Variants in TF observed in about 807,000 individuals in gnomAD.
TF encodes serotransferrin.
Under a neutral mutation model 82.4 loss-of-function variants are expected in TF, and 55 were observed. The ratio of observed to expected loss-of-function variants is 0.67; its 90% CI spans 0.54 to 0.84. The LOEUF is 0.84. Ranked by LOEUF, TF falls within the 40% of genes least tolerant of loss-of-function variation. The pLI, the probability that TF is intolerant of heterozygous loss-of-function variation, is 0.00. For missense variants in TF, 737 were observed against 868.4 expected, an observed-to-expected ratio of 0.85 and a Z score of 1.90; for synonymous variants, 332 against 332.6, an observed-to-expected ratio of 1.00 and a Z score of 0.02.
chr3:133,737,181 A>T, the TF span, among the ~76,000 whole-genome samples: 55,399 of 152,098 alleles, frequency 0.36, 10,428 homozygotes, highest in South Asian at 0.5. Flanking sequence ...CTGCACAACT[A>T]CATGGAAACT....
Position 133,783,079 on chromosome 3 carries a change from A to G in TF, c.*4459A>G, listed in dbSNP as rs1314959459. ...AACAAGCCTAGAGATCTAATGTACA[A>G]CATAAGGACCACAGTATAGGTAATA... On this transcript the variant is annotated 3_prime_UTR_variant, in exon 17 of 17. Transcript: ENST00000402696. 1 of 152,222 alleles carries G rather than the reference A, an allele frequency of 6.6e-6. No homozygotes were observed. Among genetic ancestry groups the G allele is most frequent in the African/African-American group, 2.4e-5 (1 of 41,456 alleles). The allele number at this position is 152,222 out of a possible 1,614,324, so 9.4% of individuals were successfully genotyped here. A position where few individuals can be genotyped will look rare whatever the true frequency, so the allele number is the denominator to read the frequency against.
In TF at chr3:133,795,978, C is replaced by T. The variant is rs9813689; in HGVS notation, c.*17358C>T. 0.26 allele frequency: 40,150 copies of T among 151,974 alleles called. 6,360 individuals are homozygous for T. The highest frequency in any genetic ancestry group is 0.46 in the East Asian group (2,376 of 5,152). 9.4% of individuals were successfully genotyped at this position (151,974 alleles called of 1,614,324 possible). A position where few individuals can be genotyped will look rare whatever the true frequency, so the allele number is the denominator to read the frequency against. On this transcript the variant is annotated 3_prime_UTR_variant, in exon 17 of 17. Coordinates refer to ENST00000402696, the MANE Select transcript of TF (RefSeq NM_001063.4). ...ACCAAACTAAACCAAAACGGAGTCA[C>T]GTATGCCAAGACCTTAAGGAAACAC...
chr3:133,680,212 T>G, the TF span, among the ~76,000 whole-genome samples: 1 of 152,158 alleles, frequency 6.6e-6, no homozygotes, highest in Non-Finnish European at 1.5e-5. Context: ...TTTTTTTTCT[T>G]TCTTTTTTGG....
chr3:133,733,659 G>C, the TF span, among the ~76,000 whole-genome samples: 2 of 152,220 alleles, frequency 1.3e-5, no homozygotes, highest in African/African-American at 4.8e-5. Context: ...AGTTGTAGAA[G>C]AAGGACTGAG....
chr3:133,718,724 G>A, the TF span, among the ~76,000 whole-genome samples: 2 of 152,132 alleles, frequency 1.3e-5, no homozygotes, highest in African/African-American at 4.8e-5. Flanking sequence ...TGATGTTGGA[G>A]GTTCCTCACC....
the TF span, among the ~76,000 whole-genome samples, chr3:133,672,315 G>T: frequency 6.6e-6 from 1 of 152,090 alleles, no homozygotes; most frequent in Non-Finnish European, 1.5e-5. Flanking sequence ...TTCTTACACA[G>T]TATCTTCCAG....
chr3:133,756,381 G>C, intron 6 of TF, 44 bp downstream of exon 6: 1 of 1,594,318 alleles, frequency 6.3e-7, no homozygotes, highest in South Asian at 1.1e-5. Context: ...CCAAGTAGTG[G>C]GTGTTCTTTT....
chr3:133,752,564 A>G (rs1422231180), intron 2 of TF, among the ~76,000 whole-genome samples: 1 of 152,164 alleles, frequency 6.6e-6, no homozygotes, highest in Non-Finnish European at 1.5e-5. Context: ...CATAAAAAGA[A>G]AATAAATTAT....
the TF span, among the ~76,000 whole-genome samples, chr3:133,724,245 T>C: frequency 5.9e-5 from 9 of 152,258 alleles, no homozygotes; most frequent in Non-Finnish European, 7.3e-5. Flanking sequence ...ACTTCCACAA[T>C]GGTTGAACTA....
At chr3:133,753,397 G>A (rs1933730290) in intron 2 of TF, among the ~76,000 whole-genome samples, 198 bp from the exon 3 acceptor site, 1 of 152,222 alleles carries the variant, frequency 6.6e-6, no homozygotes, top group South Asian at 2.1e-4. Context: ...CCTCTATGCA[G>A]AAGGAATAGG....
At chr3:133,713,458 A>G in the TF span, among the ~76,000 whole-genome samples, 2 of 152,308 alleles carry the variant, frequency 1.3e-5, no homozygotes, top group South Asian at 2.1e-4. Context: ...TTGAAAAGGA[A>G]GTTGTAAAGG....
intron 2 of TF, among the ~76,000 whole-genome samples, chr3:133,752,380 T>G (rs945440533): frequency 1.3e-5 from 2 of 152,190 alleles, no homozygotes; most frequent in African/African-American, 4.8e-5. Flanking sequence ...GTACAAGGTA[T>G]GAGCCACTAT....
the TF span, among the ~76,000 whole-genome samples, chr3:133,687,327 T>C: frequency 8.6e-5 from 13 of 151,790 alleles, no homozygotes; most frequent in African/African-American, 3.2e-4. Flanking sequence ...ACATGTACCC[T>C]ACAACTTAAA....
At chr3:133,731,956 G>A in the TF span, among the ~76,000 whole-genome samples, 1 of 152,166 alleles carries the variant, frequency 6.6e-6, no homozygotes, top group Non-Finnish European at 1.5e-5. Context: ...CTAGTATACA[G>A]AGAAAAAGTC....
intron 9 of TF, among the ~76,000 whole-genome samples, chr3:133,763,922 G>A (rs916326793): frequency 2.6e-5 from 4 of 152,250 alleles, no homozygotes; most frequent in Admixed American, 6.5e-5. Flanking sequence ...AAGAGGGCAA[G>A]AGGACTGAAT....
the TF span, among the ~76,000 whole-genome samples, chr3:133,693,476 G>A: frequency 7.2e-5 from 11 of 152,284 alleles, no homozygotes; most frequent in East Asian, 1.9e-4. Context: ...TTTTGAGTCC[G>A]GCCAACCTCT....
chr3:133,693,406 G>A, the TF span, among the ~76,000 whole-genome samples: 1 of 152,242 alleles, frequency 6.6e-6, no homozygotes. Flanking sequence ...AGGCTAGGGT[G>A]ATTTTTCAGC....
At chr3:133,777,941 C>G (rs1934435044) in intron 16 of TF, 1 of 156,784 alleles carries the variant, frequency 6.4e-6, no homozygotes, top group Non-Finnish European at 1.4e-5. Context: ...GGCAGTTAGT[C>G]TTTCCACAGG....
In TF at chr3:133,777,101, G is replaced by T. The variant is rs373020329; in HGVS notation, c.1925G>T (p.Arg642Leu). 6.2e-7 allele frequency: 1 copy of T among 1,614,116 alleles called. No individual in the cohort carries two copies. The highest frequency in any genetic ancestry group is 8.5e-7 in the Non-Finnish European group (1 of 1,180,024). ...TDCSGNFCLF[R>L]SETKDLLFRD... ...TGCTCGGGCAACTTTTGTTTGTTCC[G>T]GTCGGAAACCAAGGACCTTCTGTTC... Residue 642 changes from arginine (R) to leucine (L), a missense_variant, in exon 16 of 17, where the codon CGG becomes CTG. Coordinates refer to ENST00000402696, the MANE Select transcript of TF (RefSeq NM_001063.4).
Sources: gnomAD v4.1 joint callset for allele counts (sites outside exome capture counted in the v4.1 genomes callset) on GRCh38, gnomAD v4.1.1 for gene constraint, MANE v1.5 for transcripts, NCBI Gene and HGNC (gene_info 2026-07-23, HGNC 2026-07-21) for gene names.